DAB1: variants seen among roughly 807,000 people sequenced by gnomAD.
The protein encoded by DAB1 is DAB adaptor protein 1.
DAB1 carries 15 observed loss-of-function variants against 64.6 expected under a neutral mutation model. The ratio of observed to expected loss-of-function variants is 0.23; its 90% CI spans 0.16 to 0.36. The LOEUF is 0.36. Among genes scored for constraint, DAB1 ranks in the 10% least tolerant of loss-of-function variants. The pLI is 1.00. For missense variants in DAB1, 596 were observed against 706.7 expected, an observed-to-expected ratio of 0.84 and a Z score of 1.78; for synonymous variants, 235 against 251.9, an observed-to-expected ratio of 0.93 and a Z score of 0.64.
intron 1 of DAB1, among the ~76,000 whole-genome samples, chr1:57,379,154 T>A (rs564312789): frequency 3.2e-4 from 49 of 151,400 alleles, no homozygotes; most frequent in Non-Finnish European, 5.3e-4. Context: ...AAGGAGGGGC[T>A]ACCAGCTAAG....
At chr1:58,474,071 G>A in intron 3 of DAB1, 1 of 498,728 alleles carries the variant, frequency 2.0e-6, no homozygotes, top group South Asian at 1.6e-5. Context: ...CCAGAGCCTA[G>A]GAATCACCAA....
At chr1:57,487,438 C>G (rs186801021) in intron 7 of DAB1, among the ~76,000 whole-genome samples, 8 of 152,350 alleles carry the variant, frequency 5.3e-5, no homozygotes, top group African/African-American at 1.9e-4. Flanking sequence ...CCACGTGTGG[C>G]CCTGCTCTTG....
intron 6 of DAB1, among the ~76,000 whole-genome samples, chr1:57,743,001 A>G (rs1648076678): frequency 6.6e-6 from 1 of 152,168 alleles, no homozygotes; most frequent in African/African-American, 2.4e-5. Context: ...TTATTGATGT[A>G]GACATCGGTT....
At chr1:57,196,204 T>C (rs567216048) in intron 2 of DAB1, among the ~76,000 whole-genome samples, 1 of 152,324 alleles carries the variant, frequency 6.6e-6, no homozygotes, top group Admixed American at 6.5e-5. Flanking sequence ...TACAATTCAT[T>C]GCTTATCAAT....
At chr1:58,108,215 CCAAA>C (rs367926225) in intron 5 of DAB1, among the ~76,000 whole-genome samples, 109 of 152,136 alleles carry the variant, frequency 7.2e-4, no homozygotes, top group African/African-American at 2.4e-3. Context: ...GAGAATGAGC[CCAAA>C]CAGAGGAGAC....
intron 2 of DAB1, among the ~76,000 whole-genome samples, chr1:57,154,802 G>C (rs146121169): frequency 5.5e-4 from 83 of 152,210 alleles, no homozygotes; most frequent in African/African-American, 1.9e-3. Flanking sequence ...CAATGACATT[G>C]AGCACCTTTT....
chr1:57,003,157 TAATGCAA>T (rs1645933739), intron 14 of DAB1, among the ~76,000 whole-genome samples: 1 of 152,204 alleles, frequency 6.6e-6, no homozygotes, highest in African/African-American at 2.4e-5. Flanking sequence ...AATGTGGAGT[TAATGCAA>T]ACAACCTGGC....
chr1:57,318,805 G>T (rs1224912098), intron 1 of DAB1, among the ~76,000 whole-genome samples: 1 of 149,834 alleles, frequency 6.7e-6, no homozygotes, highest in African/African-American at 2.5e-5. Context: ...GATGGGTAAA[G>T]ACATGGGCTT....
chr1:57,581,016 G>C (rs372359350), intron 7 of DAB1, among the ~76,000 whole-genome samples: 5 of 152,346 alleles, frequency 3.3e-5, no homozygotes, highest in African/African-American at 1.2e-4. Flanking sequence ...CTAAGCCAAA[G>C]CAAGAGGCCT....
At chr1:57,580,016 G>A (rs1193605242) in intron 7 of DAB1, among the ~76,000 whole-genome samples, 3 of 152,148 alleles carry the variant, frequency 2.0e-5, no homozygotes, top group Non-Finnish European at 4.4e-5. Context: ...GGTAAGGAAA[G>A]GGCAAGGCAG....
At chr1:58,388,203 G>T (rs555333562) in intron 3 of DAB1, among the ~76,000 whole-genome samples, 92 of 152,192 alleles carry the variant, frequency 6.0e-4, no homozygotes, top group African/African-American at 2.2e-3. Flanking sequence ...ATATTTTGGG[G>T]TATCATTTTC....
chr1:57,375,099 G>C (rs909515880), intron 1 of DAB1, among the ~76,000 whole-genome samples: 1 of 152,092 alleles, frequency 6.6e-6, no homozygotes, highest in African/African-American at 2.4e-5. Context: ...GTCCCTGGCT[G>C]TGCAACTGAT....
At chr1:57,120,299 C>T (rs916428764) in intron 4 of DAB1, among the ~76,000 whole-genome samples, 12 of 152,032 alleles carry the variant, frequency 7.9e-5, no homozygotes, top group Non-Finnish European at 1.3e-4. Context: ...ATTTATTCAA[C>T]GTAACTGTTG....
At chr1:58,202,099 C>A (rs925881629) in intron 4 of DAB1, among the ~76,000 whole-genome samples, 1 of 152,112 alleles carries the variant, frequency 6.6e-6, no homozygotes, top group African/African-American at 2.4e-5. Context: ...AACATAAGAA[C>A]CTAAAACACT....
chr1:58,226,083 A>G (rs1271734621), intron 4 of DAB1, among the ~76,000 whole-genome samples: 1 of 152,016 alleles, frequency 6.6e-6, no homozygotes, highest in Non-Finnish European at 1.5e-5. Context: ...TTGAGCCTGA[A>G]CCACTCTGGG....
intron 7 of DAB1, among the ~76,000 whole-genome samples, chr1:57,471,917 T>C (rs1187818065): frequency 1.3e-5 from 2 of 152,212 alleles, no homozygotes; most frequent in African/African-American, 4.8e-5. Flanking sequence ...GTTAATTATA[T>C]AAGTGTCACA....
chr1:57,035,884 G>A (rs545427837), intron 9 of DAB1, among the ~76,000 whole-genome samples: 202 of 119,844 alleles, frequency 1.7e-3, no homozygotes, highest in African/African-American at 5.9e-3. Context: ...TCACTCTGTC[G>A]TGGGTTGGAG....
intron 4 of DAB1, among the ~76,000 whole-genome samples, chr1:58,321,841 C>G (rs1662691879): frequency 6.6e-6 from 1 of 152,244 alleles, no homozygotes; most frequent in Non-Finnish European, 1.5e-5. Flanking sequence ...CAGGGCATAG[C>G]TGAACAAAAG....
At chr1:58,030,098 C>T (rs1353431697) in intron 5 of DAB1, among the ~76,000 whole-genome samples, 6 of 151,708 alleles carry the variant, frequency 4.0e-5, no homozygotes, top group Non-Finnish European at 1.5e-5. Context: ...CCCAGCTACT[C>T]GGGAGGCTGA....
Sources: gnomAD v4.1 joint callset for allele counts (sites outside exome capture counted in the v4.1 genomes callset) on GRCh38, gnomAD v4.1.1 for gene constraint, MANE v1.5 for transcripts, NCBI Gene and HGNC (gene_info 2026-07-23, HGNC 2026-07-21) for gene names.